The following KAT2B variants were observed in gnomAD, a reference collection of about 807,000 sequenced individuals.
The protein encoded by KAT2B is lysine acetyltransferase 2B, also known as histone acetyltransferase KAT2B.
KAT2B carries 36 observed loss-of-function variants against 105.9 expected under a neutral mutation model. The ratio of observed to expected loss-of-function variants is 0.34; its 90% CI spans 0.26 to 0.45. The LOEUF is 0.45. KAT2B is among the 20% of genes least tolerant of loss of function. The pLI, the probability that KAT2B is intolerant of heterozygous loss-of-function variation, is 1.00. For synonymous variants in KAT2B, 397 were observed against 377.9 expected (o/e 1.05, Z -0.59); for missense variants, 820 against 1,021.6 (o/e 0.80, Z 2.69).
intron 1 of KAT2B, among the ~76,000 whole-genome samples, chr3:20,068,113 C>T (rs1698255660): frequency 6.6e-6 from 1 of 151,856 alleles, no homozygotes; most frequent in Admixed American, 6.6e-5. Context: ...TCTGCTGCCT[C>T]AGCCATCTGA....
intron 2 of KAT2B, among the ~76,000 whole-genome samples, chr3:20,090,793 G>T (rs1698703773): frequency 6.6e-6 from 1 of 152,102 alleles, no homozygotes; most frequent in African/African-American, 2.4e-5. Context: ...GGAGTATAGT[G>T]GCACAAGCAT....
Position 20,122,803 on chromosome 3 carries a change from AG to A in KAT2B, c.1413+1del. The A allele has an allele frequency of 6.2e-7, 1 of 1,610,204 alleles. No individual in the cohort carries two copies. The highest frequency in any genetic ancestry group is 8.5e-7 in the Non-Finnish European group (1 of 1,177,510). The stretch of plus-strand genomic sequence containing the variant: ...GACCCTGCAGCAATGCTTGGACCAG[AG>A]GTCAGCAGGGTAAACCTGGGCAGCC... Reference protein sequence around the residue: ...ITDPAAMLGPETNFLSAHSAR... With the variant: ...ITDPAAMLGPXTNFLSAHSAR... On this transcript the variant is annotated frameshift_variant and splice_region_variant, in exon 9 of 18. Transcript: ENST00000263754. LOFTEE classifies it high-confidence loss of function.
chr3:20,120,557 A>G lies in KAT2B; in HGVS notation c.1276+834A>G, dbSNP rs1235077013. On this transcript the variant is annotated intron_variant, in intron 8 of 17. Transcript: ENST00000263754. ...TCTGCCTCATTCTGTCGTCCAAAGCAAGTCACGTAGTTGAACTCAGAGTTG... is the reference window on the plus strand; with the variant it reads ...TCTGCCTCATTCTGTCGTCCAAAGCGAGTCACGTAGTTGAACTCAGAGTTG... Among the ~76,000 whole-genome samples, 6 of 152,234 alleles carry G rather than the reference A, an allele frequency of 3.9e-5. No homozygotes were observed. The East Asian group carries it at 1.2e-3, about 29-fold the overall frequency.
chr3:20,085,599 C>A (rs1165154012), intron 2 of KAT2B, among the ~76,000 whole-genome samples: 1 of 151,440 alleles, frequency 6.6e-6, no homozygotes, highest in African/African-American at 2.4e-5. Flanking sequence ...CAGCCTCCAC[C>A]TCCTGGGTTC....
chr3:20,066,841 A>G (rs554705464), intron 1 of KAT2B, among the ~76,000 whole-genome samples: 1 of 152,122 alleles, frequency 6.6e-6, no homozygotes, highest in East Asian at 1.9e-4. Context: ...ATAATATGTA[A>G]TCAATATAAA....
intron 1 of KAT2B, among the ~76,000 whole-genome samples, chr3:20,058,916 AG>A (rs1276931757): frequency 6.6e-6 from 1 of 152,220 alleles, no homozygotes; most frequent in African/African-American, 2.4e-5. Flanking sequence ...TTAGAAATGT[AG>A]AATCTCAGGT....
At chr3:20,047,127 C>T (rs1417138150) in intron 1 of KAT2B, among the ~76,000 whole-genome samples, 1 of 150,832 alleles carries the variant, frequency 6.6e-6, no homozygotes, top group East Asian at 2.0e-4. Flanking sequence ...TACTCTGCTT[C>T]CCAGGCTGGA....
chr3:20,049,162 G>T (rs1053771906), intron 1 of KAT2B, among the ~76,000 whole-genome samples: 1 of 152,058 alleles, frequency 6.6e-6, no homozygotes, highest in Non-Finnish European at 1.5e-5. Flanking sequence ...GCCTGGCCGG[G>T]CATCGCCTTA....
chr3:20,040,684 C>T lies in KAT2B; in HGVS notation c.207C>T (p.Gly69=), dbSNP rs1460538819. 2 of 1,567,706 alleles carry T rather than the reference C, an allele frequency of 1.3e-6. No individual in the cohort carries two copies. Among genetic ancestry groups the T allele is most frequent in the African/African-American group, 2.8e-5 (2 of 71,152 alleles). The change falls in exon 1 of 18, where the codon GGC becomes GGT. Residue 69 remains glycine (G), a synonymous_variant. Transcript: ENST00000263754. The stretch of plus-strand genomic sequence containing the variant: ...CGGGCACGGCCGAAGGACCGGGAGG[C>T]GGTGGCTCGGCCCGAATCGCCGTGA... The part of the protein sequence containing the change: ...AAAGTAEGPG[G]GGSARIAVKK...
chr3:20,119,512 TG>T, intron 7 of KAT2B, 85 bp from the exon 8 acceptor site: 2 of 1,411,154 alleles, frequency 1.4e-6, no homozygotes. Flanking sequence ...TGGGCAGGAG[TG>T]GGGTGGTCCC....
chr3:20,091,659 G>A (rs1698720313), intron 2 of KAT2B, among the ~76,000 whole-genome samples: 2 of 151,902 alleles, frequency 1.3e-5, no homozygotes, highest in South Asian at 4.1e-4. Context: ...AACTGCTTTT[G>A]CTGCATTTTG....
chr3:20,090,539 T>C (rs1698698281), intron 2 of KAT2B, among the ~76,000 whole-genome samples: 1 of 152,216 alleles, frequency 6.6e-6, no homozygotes, highest in African/African-American at 2.4e-5. Flanking sequence ...CTGGGATTAA[T>C]TCCTCTTGCT....
chr3:20,072,354 A>C lies in KAT2B; in HGVS notation c.325A>C (p.Asn109His). 7 of 1,613,462 alleles carry C rather than the reference A, an allele frequency of 4.3e-6. No individual in the cohort carries two copies. Among genetic ancestry groups the C allele is most frequent in the Non-Finnish European group, 5.9e-6 (7 of 1,179,450 alleles). ...ACKAEESCKC[N>H]GWKNPNPSPT... Reference sequence around the variant, plus strand: ...TTAGGCCGAGGAGTCTTGTAAATGTAATGGCTGGAAAAACCCTAACCCCTC... The same window carrying C: ...TTAGGCCGAGGAGTCTTGTAAATGTCATGGCTGGAAAAACCCTAACCCCTC... The change falls in exon 2 of 18, where the codon AAT (asparagine) becomes CAT (histidine). Residue 109 changes from asparagine (N) to histidine (H), a missense_variant. Asn to His is a moderately conservative substitution (Grantham distance 68, BLOSUM62 1). Coordinates refer to ENST00000263754, the MANE Select transcript of KAT2B (RefSeq NM_003884.5).
chr3:20,115,703 A>C (rs559607899), intron 7 of KAT2B, among the ~76,000 whole-genome samples: 1 of 152,174 alleles, frequency 6.6e-6, no homozygotes, highest in African/African-American at 2.4e-5. Flanking sequence ...TTGAGTAATG[A>C]CCACTGCCAT....
At chr3:20,044,207 G>A (rs759170516) in intron 1 of KAT2B, among the ~76,000 whole-genome samples, 4 of 151,760 alleles carry the variant, frequency 2.6e-5, no homozygotes, top group Non-Finnish European at 5.9e-5. Flanking sequence ...TAGGCCAGGC[G>A]CAGTGGCTCA....
At chr3:20,109,044 A>G (rs1298645223) in intron 5 of KAT2B, among the ~76,000 whole-genome samples, 1 of 152,200 alleles carries the variant, frequency 6.6e-6, no homozygotes, top group Non-Finnish European at 1.5e-5. Flanking sequence ...AGGTTCTACC[A>G]TCTAGGTTTG....
Position 20,040,585 on chromosome 3 carries a change from C to CAATTAGCTTCTTCTTGGATAAGAGT in KAT2B, c.108_109insAATTAGCTTCTTCTTGGATAAGAGT (p.Pro37AsnfsTer2). 8.5e-7 allele frequency: 1 copy of CAATTAGCTTCTTCTTGGATAAGAGT among 1,174,962 alleles called. No individual in the cohort carries two copies. The allele number at this position is 1,174,962 out of a possible 1,614,324, so 72.8% of individuals were successfully genotyped here. A position where few individuals can be genotyped will look rare whatever the true frequency, so the allele number is the denominator to read the frequency against. ...AGCCTGCGGCGCTTCCGCCCGCGCC[C>CAATTAGCTTCTTCTTGGATAAGAGT]CCGCAGGGCTCCCCCTGCGCCGCTG... On this transcript the variant is annotated stop_gained and frameshift_variant, in exon 1 of 18. Transcript: ENST00000263754. LOFTEE classifies it high-confidence loss of function.
intron 2 of KAT2B, among the ~76,000 whole-genome samples, chr3:20,078,282 TG>T (rs1447356017): frequency 9.3e-4 from 142 of 152,320 alleles, no homozygotes; most frequent in African/African-American, 3.2e-3. Flanking sequence ...GAATTTCTAT[TG>T]TTATTTTGGA....
chr3:20,097,530 A>T (rs4858760), intron 3 of KAT2B, among the ~76,000 whole-genome samples: 15 of 126,168 alleles, frequency 1.2e-4, no homozygotes, highest in Admixed American at 7.9e-4. Flanking sequence ...AATGATTAAA[A>T]TTTTTTTTTA....
Sources: allele counts gnomAD v4.1 joint callset (sites outside exome capture counted in the v4.1 genomes callset), GRCh38; gene constraint gnomAD v4.1.1; transcripts MANE v1.5; gene names NCBI Gene and HGNC (gene_info 2026-07-23, HGNC 2026-07-21).